The following FUT8 variants were observed in gnomAD, a reference collection of about 807,000 sequenced individuals.
FUT8 encodes the protein fucosyltransferase 8.
In FUT8, 29 loss-of-function variants were observed where a neutral mutation model predicts 71.3. The observed-to-expected ratio is 0.41, with a 90% CI of 0.30 to 0.55. The LOEUF (loss-of-function observed/expected upper bound fraction) is 0.55, where lower values mean the gene tolerates loss of function less well. FUT8 is among the 20% of genes least tolerant of loss of function. FUT8 has a pLI of 0.34. For missense variants in FUT8, 544 were observed against 702.1 expected, an observed-to-expected ratio of 0.77 and a Z score of 2.55; for synonymous variants, 254 against 239.3, an observed-to-expected ratio of 1.06 and a Z score of -0.57.
At chr14:65,422,482 G>A (rs911756480) in intron 1 of FUT8, among the ~76,000 whole-genome samples, 6 of 151,870 alleles carry the variant, frequency 4.0e-5, no homozygotes, top group Non-Finnish European at 5.9e-5. Context: ...TTGTTTAGGC[G>A]GATATTCTTT....
chr14:65,465,633 C>T lies in FUT8; in HGVS notation c.-228+9915C>T, dbSNP rs576552137. Among the ~76,000 whole-genome samples, 9 of 152,214 alleles carry T rather than the reference C, an allele frequency of 5.9e-5. No homozygotes were observed. In the South Asian group the frequency reaches 1.9e-3, roughly 32 times the overall value. ...ATGTTTTTGTTTAACTAGTTTAATT[C>T]CATTGTGGTGTGTCTATTTGTATGG... On this transcript the variant is annotated intron_variant, in intron 2 of 10. Coordinates refer to ENST00000673929, the MANE Select transcript of FUT8 (RefSeq NM_001371533.1).
At chr14:65,535,666 C>G (rs1884258526) in intron 2 of FUT8, among the ~76,000 whole-genome samples, 1 of 152,092 alleles carries the variant, frequency 6.6e-6, no homozygotes. Context: ...GATTTCCGCT[C>G]TTTTGCATTT....
chr14:65,599,760 T>TA (rs1323955279), intron 3 of FUT8, among the ~76,000 whole-genome samples: 3 of 152,240 alleles, frequency 2.0e-5, no homozygotes, highest in African/African-American at 7.2e-5. Context: ...TTAAAAGACT[T>TA]ACAGTAGTGT....
At chr14:65,605,350 A>G (rs1040779803) in intron 3 of FUT8, among the ~76,000 whole-genome samples, 2 of 151,894 alleles carry the variant, frequency 1.3e-5, no homozygotes, top group African/African-American at 4.8e-5. Flanking sequence ...CCACCCATCC[A>G]GATTCATATG....
intron 3 of FUT8, among the ~76,000 whole-genome samples, chr14:65,597,578 G>C (rs1034968620): frequency 7.3e-5 from 11 of 151,360 alleles, no homozygotes; most frequent in African/African-American, 2.7e-4. Flanking sequence ...AGCCGAGATC[G>C]CACCACTGCA....
At chr14:65,463,973 G>A (rs1207015695) in intron 2 of FUT8, among the ~76,000 whole-genome samples, 4 of 152,096 alleles carry the variant, frequency 2.6e-5, no homozygotes, top group Admixed American at 2.0e-4. Flanking sequence ...ATTCTCCCTG[G>A]CTCCCCCAGC....
chr14:65,731,994 T>A (rs1236464147), intron 9 of FUT8, among the ~76,000 whole-genome samples: 1 of 152,206 alleles, frequency 6.6e-6, no homozygotes, highest in Non-Finnish European at 1.5e-5. Context: ...CTCTAGCATT[T>A]CGTATTTCTT....
intron 1 of FUT8, among the ~76,000 whole-genome samples, chr14:65,436,123 G>T (rs541085676): frequency 8.4e-4 from 127 of 151,718 alleles, no homozygotes; most frequent in African/African-American, 2.9e-3. Flanking sequence ...TAGAGACAAG[G>T]TCTCACTGTG....
In FUT8 at chr14:65,431,357, C is replaced by T. The variant is rs150103613; in HGVS notation, c.-326+18143C>T. Among the ~76,000 whole-genome samples, 479 of 133,448 alleles carry T rather than the reference C, an allele frequency of 3.6e-3. 2 individuals are homozygous for T. The highest frequency in any genetic ancestry group is 0.013 in the African/African-American group (457 of 35,378). 87.5% of individuals were successfully genotyped at this position (133,448 alleles called of 152,430 possible). The stretch of plus-strand genomic sequence containing the variant: ...ACAGGGTCATGCTCTGTTGCCCAGA[C>T]TAAGGGGAGTGGCGCAATCCCAGCT... On this transcript the variant is annotated intron_variant, in intron 1 of 10. Transcript: ENST00000673929.
In FUT8 at chr14:65,669,781, C is replaced by A. The variant is rs1369298282; in HGVS notation, c.835+301C>A. ...ACTTTCACTCTATAAGATGATTTCA[C>A]ATTATTGAACTCATTTTAATATGAA... On this transcript the variant is annotated intron_variant, in intron 7 of 10. Coordinates refer to ENST00000673929, the MANE Select transcript of FUT8 (RefSeq NM_001371533.1). This position sits in a 1 kb window ranked among gnomAD's most constrained non-coding sequence, Gnocchi z 4.5. Among the ~76,000 whole-genome samples the A allele has an allele frequency of 6.6e-6, 1 of 151,972 alleles. No individual in the cohort carries two copies. Among genetic ancestry groups the A allele is most frequent in the African/African-American group, 2.4e-5 (1 of 41,356 alleles).
intron 3 of FUT8, among the ~76,000 whole-genome samples, chr14:65,581,448 G>A (rs1311105304): frequency 6.6e-6 from 1 of 152,036 alleles, no homozygotes; most frequent in Non-Finnish European, 1.5e-5. Context: ...AGCACATAAT[G>A]CATTATGATG....
chr14:65,641,025 T>C (rs889488730), intron 6 of FUT8, among the ~76,000 whole-genome samples: 1 of 152,144 alleles, frequency 6.6e-6, no homozygotes, highest in African/African-American at 2.4e-5. Context: ...TGAGATATAG[T>C]TGACACAAAA....
At position 65,669,754 on chromosome 14, in the gene FUT8, T is replaced by C. The variant is rs1594880892; in HGVS notation, c.835+274T>C. 2.6e-5 allele frequency among the ~76,000 whole-genome samples: 4 copies of C among 152,356 alleles called. 1 individual carries two copies. The South Asian group carries it at 8.3e-4, about 32-fold the overall frequency. ...ATTTAATCTTTTAATAATAATGATA[T>C]GACTTTCACTCTATAAGATGATTTC... On this transcript the variant is annotated intron_variant, in intron 7 of 10. Transcript: ENST00000673929. This position sits in a 1 kb window ranked among gnomAD's most constrained non-coding sequence, Gnocchi z 4.5.
chr14:65,643,585 C>T lies in FUT8; in HGVS notation c.597+13979C>T, dbSNP rs141030633. On this transcript the variant is annotated intron_variant, in intron 6 of 10. Transcript: ENST00000673929. The surrounding 1 kb of genome is among the most constrained non-coding windows in gnomAD (Gnocchi z 4.5). ...AGGAGAATGGCGTGAACCTGGGAGG[C>T]GGAGCTTGCAGTGAGCAGAGATCAT... is the stretch of plus-strand genomic sequence containing the variant. Among the ~76,000 whole-genome samples, 362 of 151,010 alleles carry T rather than the reference C, an allele frequency of 2.4e-3. 5 individuals carry two copies. Among genetic ancestry groups the T allele is most frequent in the East Asian group, 0.024 (119 of 5,060 alleles).
chr14:65,742,664 G>C lies in FUT8; in HGVS notation c.*254G>C. On this transcript the variant is annotated 3_prime_UTR_variant, in exon 11 of 11. Transcript: ENST00000673929. Reference sequence around the variant, plus strand: ...CTCACATATAACATGCAAACAGGTTGTTTTCTACTTTGCCCCTTTCAGTAT... The same window carrying C: ...CTCACATATAACATGCAAACAGGTTCTTTTCTACTTTGCCCCTTTCAGTAT... 2.6e-6 allele frequency: 1 copy of C among 390,556 alleles called. No homozygotes were observed. The highest frequency in any genetic ancestry group is 5.0e-5 in the South Asian group (1 of 19,970). The allele number at this position is 390,556 out of a possible 1,614,324, so 24.2% of individuals were successfully genotyped here.
intron 2 of FUT8, among the ~76,000 whole-genome samples, chr14:65,470,885 G>A (rs1235071322): frequency 6.6e-6 from 1 of 151,976 alleles, no homozygotes; most frequent in Non-Finnish European, 1.5e-5. Context: ...GCGGCGGGCT[G>A]TTGAGGGAGG....
intron 1 of FUT8, among the ~76,000 whole-genome samples, chr14:65,455,015 T>G (rs1316351255): frequency 1.3e-5 from 2 of 152,034 alleles, no homozygotes; most frequent in Admixed American, 6.6e-5. Flanking sequence ...CAGGGAGGTA[T>G]AGAGGGGCTG....
intron 9 of FUT8, among the ~76,000 whole-genome samples, chr14:65,729,812 A>G (rs1250613498): frequency 6.6e-6 from 1 of 152,238 alleles, no homozygotes; most frequent in Non-Finnish European, 1.5e-5. Context: ...CCTTGTAGCC[A>G]ACAGCTATAA....
chr14:65,601,881 G>T (rs932610245), intron 3 of FUT8, among the ~76,000 whole-genome samples: 2 of 152,074 alleles, frequency 1.3e-5, no homozygotes, highest in African/African-American at 4.8e-5. Flanking sequence ...CACTCAGATT[G>T]AACAAGTATT....
Sources: allele counts gnomAD v4.1 joint callset (sites outside exome capture counted in the v4.1 genomes callset), GRCh38; gene constraint gnomAD v4.1.1; non-coding constraint Gnocchi (gnomAD v3.1); transcripts MANE v1.5; gene names NCBI Gene and HGNC (gene_info 2026-07-23, HGNC 2026-07-21).